Variants in ARMH4 observed in about 807,000 individuals in gnomAD.
ARMH4 encodes the protein armadillo like helical domain containing 4, also known as armadillo-like helical domain-containing protein 4.
Under a neutral mutation model 61.9 loss-of-function variants are expected in ARMH4, and 49 were observed. The observed-to-expected ratio is 0.79, with a 90% confidence interval of 0.63 to 1.00. ARMH4 has a LOEUF of 1.00. Ranked by LOEUF, ARMH4 falls within the 50% of genes least tolerant of loss-of-function variation. ARMH4 has a pLI of 0.00. For missense variants in ARMH4, 934 were observed against 930.0 expected (o/e 1.00, Z -0.06); for synonymous variants, 368 against 341.5 (o/e 1.08, Z -0.85).
chr14:58,056,726 C>T (rs1884361186), intron 5 of ARMH4, among the ~76,000 whole-genome samples: 1 of 152,198 alleles, frequency 6.6e-6, no homozygotes, highest in Admixed American at 6.5e-5. Flanking sequence ...CACAACCCCT[C>T]ATCAGTGTTG....
At chr14:58,010,365 T>C (rs1882362885) in intron 6 of ARMH4, among the ~76,000 whole-genome samples, 1 of 152,094 alleles carries the variant, frequency 6.6e-6, no homozygotes, top group Non-Finnish European at 1.5e-5. Context: ...TGTATATACA[T>C]ATAAAATATA....
intron 5 of ARMH4, among the ~76,000 whole-genome samples, chr14:58,055,798 C>T (rs1463149703): frequency 1.3e-5 from 2 of 152,204 alleles, no homozygotes; most frequent in African/African-American, 4.8e-5. Context: ...CAGGAACAAA[C>T]TTGATGGAGG....
At chr14:58,017,206 C>T (rs78904248) in intron 5 of ARMH4, among the ~76,000 whole-genome samples, 1 of 152,016 alleles carries the variant, frequency 6.6e-6, no homozygotes, top group Admixed American at 6.6e-5. Context: ...CTCAGCTACT[C>T]GGGAGGCTGA....
chr14:58,071,271 C>A (rs1196328985), intron 5 of ARMH4, among the ~76,000 whole-genome samples: 1 of 151,800 alleles, frequency 6.6e-6, no homozygotes, highest in Non-Finnish European at 1.5e-5. Flanking sequence ...TTTCTGCTAT[C>A]TTTTCAATAC....
At chr14:58,143,490 G>A (rs1029868334) in intron 1 of ARMH4, among the ~76,000 whole-genome samples, 4 of 152,120 alleles carry the variant, frequency 2.6e-5, no homozygotes, top group African/African-American at 9.7e-5. Flanking sequence ...TTGAGATGGA[G>A]TCTCACTCTG....
chr14:58,016,267 G>T (rs1359355758), intron 5 of ARMH4, among the ~76,000 whole-genome samples: 1 of 152,000 alleles, frequency 6.6e-6, no homozygotes, highest in East Asian at 1.9e-4. Context: ...CAAAACCTTA[G>T]GTTATGTCTA....
intron 4 of ARMH4, among the ~76,000 whole-genome samples, chr14:58,103,738 C>T (rs949500081): frequency 1.7e-4 from 26 of 152,054 alleles, no homozygotes; most frequent in African/African-American, 6.0e-4. Flanking sequence ...CAGCTGTGAG[C>T]CACTGTGTCT....
chr14:58,125,886 CA>C (rs1171588928), intron 4 of ARMH4, among the ~76,000 whole-genome samples: 2 of 152,126 alleles, frequency 1.3e-5, no homozygotes, highest in Non-Finnish European at 2.9e-5. Flanking sequence ...GGAAGGTGAC[CA>C]CGTCCACCTT....
At chr14:58,094,329 C>A (rs865875607) in intron 5 of ARMH4, among the ~76,000 whole-genome samples, 105 of 117,600 alleles carry the variant, frequency 8.9e-4, no homozygotes, top group Non-Finnish European at 1.0e-3. Flanking sequence ...GACGCTTTCT[C>A]AAAAAAAAAA....
intron 3 of ARMH4, among the ~76,000 whole-genome samples, chr14:58,132,747 G>A (rs1360054860): frequency 1.3e-5 from 2 of 151,852 alleles, no homozygotes. Context: ...CACCACGCCT[G>A]GGTAATTTTT....
intron 6 of ARMH4, among the ~76,000 whole-genome samples, chr14:58,010,246 G>GTATA (rs10541219): frequency 6.6e-6 from 1 of 151,466 alleles, no homozygotes; most frequent in Non-Finnish European, 1.5e-5. Context: ...GAAGATATAT[G>GTATA]TATATATATA....
At chr14:58,134,298 G>A (rs1458457059) in intron 2 of ARMH4, among the ~76,000 whole-genome samples, 3 of 152,150 alleles carry the variant, frequency 2.0e-5, no homozygotes, top group African/African-American at 7.2e-5. Context: ...ATCAGAAAAG[G>A]AAATGAATAG....
At chr14:58,066,639 AG>A (rs1467472065) in intron 5 of ARMH4, among the ~76,000 whole-genome samples, 1 of 152,230 alleles carries the variant, frequency 6.6e-6, no homozygotes, top group Non-Finnish European at 1.5e-5. Flanking sequence ...GGAACCATGA[AG>A]GCTTTGAAGA....
chr14:58,019,563 G>C (rs992740230), intron 5 of ARMH4, among the ~76,000 whole-genome samples: 1 of 152,074 alleles, frequency 6.6e-6, no homozygotes, highest in Non-Finnish European at 1.5e-5. Flanking sequence ...GAAGATCGAA[G>C]ATGCAGCTGC....
At chr14:58,133,703 A>C (rs1428476020) in intron 2 of ARMH4, among the ~76,000 whole-genome samples, 1 of 152,256 alleles carries the variant, frequency 6.6e-6, no homozygotes, top group Admixed American at 6.5e-5. Context: ...AAAAACTCTC[A>C]GAAACATTTG....
intron 5 of ARMH4, among the ~76,000 whole-genome samples, chr14:58,030,355 A>G (rs113843844): frequency 0.031 from 4,790 of 152,318 alleles, 94 homozygotes; most frequent in Middle Eastern, 0.075. Context: ...CTCACTTCTT[A>G]TTTCTTTGAA....
intron 4 of ARMH4, chr14:58,116,187 T>A (rs992707553): frequency 6.5e-6 from 1 of 152,786 alleles, no homozygotes; most frequent in South Asian, 2.1e-4. Context: ...TCTTGAAAAC[T>A]TTTTACTAAA....
chr14:58,094,407 T>A (rs2141260320), intron 5 of ARMH4, among the ~76,000 whole-genome samples: 1 of 151,728 alleles, frequency 6.6e-6, no homozygotes, highest in Non-Finnish European at 1.5e-5. Flanking sequence ...CAGAGCTTTT[T>A]GTCCTAAGCC....
rs1039365836 is a variant in ARMH4 at position 58,104,501 on chromosome 14, T to C, written c.1832-7520A>G. 2.0e-5 allele frequency among the ~76,000 whole-genome samples: 3 copies of C among 152,264 alleles called. No individual in the cohort carries two copies. The East Asian group carries it at 5.8e-4, about 29-fold the overall frequency. ...GCCTTATTAGAATGAGGTTTCTCTT[T>C]TAGCCTACCTTATTCTCTCATAATC... On this transcript the variant is annotated intron_variant, in intron 4 of 7. Transcript: ENST00000267485.
Sources: gnomAD v4.1 joint callset for allele counts (sites outside exome capture counted in the v4.1 genomes callset) on GRCh38, gnomAD v4.1.1 for gene constraint, MANE v1.5 for transcripts, NCBI Gene and HGNC (gene_info 2026-07-23, HGNC 2026-07-21) for gene names.